GREM2: variants seen among roughly 807,000 people sequenced by gnomAD.
GREM2 encodes gremlin 2, DAN family BMP antagonist, also known as gremlin-2.
In GREM2, 11 loss-of-function variants were observed where a neutral mutation model predicts 14.2. The observed-to-expected ratio is 0.78, with a 90% CI of 0.49 to 1.28. The LOEUF is 1.28. Ranked by LOEUF, GREM2 falls within the 50% of genes most tolerant of loss-of-function variation. The pLI, the probability that GREM2 is intolerant of heterozygous loss-of-function variation, is 0.00. For missense variants in GREM2, 210 were observed against 218.5 expected, an observed-to-expected ratio of 0.96 and a Z score of 0.24; for synonymous variants, 98 against 97.6, an observed-to-expected ratio of 1.00 and a Z score of -0.02.
At position 240,608,169 on chromosome 1, in the gene GREM2, G is replaced by GT. The variant is rs571855242; in HGVS notation, c.-2+3714dup. On this transcript the variant is annotated intron_variant, in intron 1 of 1. Transcript: ENST00000318160. ...TTGCAGAAGATAAACTCCTGAGACT[G>GT]TGGTGAAGACTGAATTAAATAATCT... Among the ~76,000 whole-genome samples, 16 of 152,338 alleles carry GT rather than the reference G, an allele frequency of 1.1e-4. No homozygotes were observed. In the East Asian group the frequency reaches 3.1e-3, roughly 29 times the overall value.
intron 1 of GREM2, among the ~76,000 whole-genome samples, chr1:240,523,034 T>C (rs74705374): frequency 1.6e-3 from 241 of 152,338 alleles, no homozygotes; most frequent in African/African-American, 5.6e-3. Context: ...AATTACAAAA[T>C]GGAAGGCAAT....
At chr1:240,515,721 C>T (rs1334361608) in intron 1 of GREM2, among the ~76,000 whole-genome samples, 2 of 152,098 alleles carry the variant, frequency 1.3e-5, no homozygotes, top group Admixed American at 1.3e-4. Flanking sequence ...CTTCCTGAGG[C>T]TGTGTTCCAG....
chr1:240,511,616 G>A (rs1408406565), intron 1 of GREM2, among the ~76,000 whole-genome samples: 1 of 152,180 alleles, frequency 6.6e-6, no homozygotes, highest in Non-Finnish European at 1.5e-5. Flanking sequence ...AGCCGGGTGT[G>A]GTGGTGGGCG....
rs964589060 is a variant in GREM2, at chr1:240,542,561, G to A, written c.-1-49085C>T. ...ACCCAGGAGGCGGAGGTTGCAGTGA[G>A]CCAAGATTGTGCCCCTGCACTCCAG... On this transcript the variant is annotated intron_variant, in intron 1 of 1. Transcript: ENST00000318160. The surrounding 1 kb of genome is among the most constrained non-coding windows in gnomAD (Gnocchi z 4.1). 2.0e-5 allele frequency among the ~76,000 whole-genome samples: 3 copies of A among 151,920 alleles called. No homozygotes were observed. The highest frequency in any genetic ancestry group is 4.8e-5 in the African/African-American group (2 of 41,388).
Position 240,540,925 on chromosome 1 carries a change from C to T in GREM2, c.-1-47449G>A, listed in dbSNP as rs1262484040. On this transcript the variant is annotated intron_variant, in intron 1 of 1. Transcript: ENST00000318160. The surrounding 1 kb of genome is among the most constrained non-coding windows in gnomAD (Gnocchi z 4.2). Reference sequence around the variant, plus strand: ...AGATGGCACTCATCAATCAGTTTGTCGCCTTCCAGCATTCTGGACCAGAAG... The same window carrying T: ...AGATGGCACTCATCAATCAGTTTGTTGCCTTCCAGCATTCTGGACCAGAAG... 2.6e-5 allele frequency among the ~76,000 whole-genome samples: 4 copies of T among 152,212 alleles called. No individual in the cohort carries two copies. Among genetic ancestry groups the T allele is most frequent in the South Asian group, 4.2e-4 (2 of 4,816 alleles).
intron 1 of GREM2, among the ~76,000 whole-genome samples, chr1:240,547,587 T>C (rs1678767763): frequency 6.8e-6 from 1 of 147,596 alleles, no homozygotes; most frequent in Admixed American, 6.7e-5. Context: ...GTTCTAAAGA[T>C]GGATGTGAAG....
At chr1:240,598,443 C>T (rs1571950977) in intron 1 of GREM2, among the ~76,000 whole-genome samples, 1 of 152,194 alleles carries the variant, frequency 6.6e-6, no homozygotes, top group South Asian at 2.1e-4. Flanking sequence ...CTGACAGAAA[C>T]ATGTGGGTAC....
intron 1 of GREM2, among the ~76,000 whole-genome samples, chr1:240,494,890 G>A (rs1467480906): frequency 6.6e-6 from 1 of 151,958 alleles, no homozygotes; most frequent in Non-Finnish European, 1.5e-5. Flanking sequence ...GACAGAGTGA[G>A]ACTCCGGCTC....
intron 1 of GREM2, among the ~76,000 whole-genome samples, chr1:240,514,844 G>C (rs150025913): frequency 3.6e-3 from 547 of 152,258 alleles, no homozygotes; most frequent in Non-Finnish European, 5.7e-3. Flanking sequence ...AGGCTGCAAT[G>C]AGCTCAATCT....
At chr1:240,574,786 T>C (rs1216417652) in intron 1 of GREM2, among the ~76,000 whole-genome samples, 1 of 151,988 alleles carries the variant, frequency 6.6e-6, no homozygotes, top group East Asian at 1.9e-4. Flanking sequence ...CAACAAGATA[T>C]ATTGACAGAC....
At chr1:240,504,658 T>C (rs1461765857) in intron 1 of GREM2, among the ~76,000 whole-genome samples, 2 of 152,204 alleles carry the variant, frequency 1.3e-5, no homozygotes, top group Non-Finnish European at 1.5e-5. Flanking sequence ...TTACCCTCAC[T>C]AAAAAGTAAA....
At chr1:240,562,227 A>G in intron 1 of GREM2, among the ~76,000 whole-genome samples, 1 of 152,188 alleles carries the variant, frequency 6.6e-6, no homozygotes, top group East Asian at 1.9e-4. Flanking sequence ...TGACTCAGAA[A>G]TGTAGAGAAA....
intron 1 of GREM2, among the ~76,000 whole-genome samples, chr1:240,545,701 C>A (rs181338045): frequency 3.3e-5 from 5 of 152,312 alleles, no homozygotes; most frequent in Non-Finnish European, 7.3e-5. Context: ...CCAGTTGGTG[C>A]TCACTGCAGA....
intron 1 of GREM2, among the ~76,000 whole-genome samples, chr1:240,593,608 T>C (rs1010477814): frequency 3.3e-5 from 5 of 152,216 alleles, no homozygotes; most frequent in African/African-American, 1.2e-4. Flanking sequence ...TAAAAGTTGG[T>C]TAGTACCATT....
At chr1:240,556,360 T>C (rs1286501875) in intron 1 of GREM2, among the ~76,000 whole-genome samples, 1 of 152,228 alleles carries the variant, frequency 6.6e-6, no homozygotes, top group Non-Finnish European at 1.5e-5. Flanking sequence ...ATACTGGCTT[T>C]GGAGCCTTCC....
chr1:240,513,447 C>A (rs541159060), intron 1 of GREM2, among the ~76,000 whole-genome samples: 3 of 151,806 alleles, frequency 2.0e-5, no homozygotes, highest in African/African-American at 7.3e-5. Context: ...TGGTGGCATG[C>A]GACTGTAGTC....
intron 1 of GREM2, among the ~76,000 whole-genome samples, chr1:240,576,369 C>A (rs944368956): frequency 6.6e-6 from 1 of 152,214 alleles, no homozygotes; most frequent in African/African-American, 2.4e-5. Context: ...CTTGACGAAG[C>A]TTCCTGGTTT....
At chr1:240,533,749 G>A (rs1429111894) in intron 1 of GREM2, among the ~76,000 whole-genome samples, 1 of 152,212 alleles carries the variant, frequency 6.6e-6, no homozygotes, top group Non-Finnish European at 1.5e-5. Flanking sequence ...TGGTTGAACA[G>A]ATATTGAGAT....
chr1:240,558,222 G>A (rs566509934), intron 1 of GREM2, among the ~76,000 whole-genome samples: 57 of 152,032 alleles, frequency 3.7e-4, no homozygotes, highest in Non-Finnish European at 5.6e-4. Context: ...TAACATAAGT[G>A]TGTTATGGAA....
Sources: allele counts gnomAD v4.1 joint callset (sites outside exome capture counted in the v4.1 genomes callset), GRCh38; gene constraint gnomAD v4.1.1; non-coding constraint Gnocchi (gnomAD v3.1); transcripts MANE v1.5; gene names NCBI Gene and HGNC (gene_info 2026-07-23, HGNC 2026-07-21).